MTOR: variants seen among roughly 807,000 people sequenced by gnomAD.
MTOR encodes the protein mechanistic target of rapamycin kinase.
In MTOR, 70 loss-of-function variants were observed where a neutral mutation model predicts 319.8. The ratio of observed to expected loss-of-function variants is 0.22; its 90% CI spans 0.18 to 0.27. The LOEUF (loss-of-function observed/expected upper bound fraction) is 0.27. Among genes scored for constraint, MTOR ranks in the 10% least tolerant of loss-of-function variants. The pLI is 1.00. For synonymous variants in MTOR, 1,183 were observed against 1,211.4 expected (o/e 0.98, Z 0.49); for missense variants, 1,890 against 3,274.4 (o/e 0.58, Z 10.32).
At chr1:11,114,647 C>T in intron 52 of MTOR, 166 bp downstream of exon 52, 1 of 998,598 alleles carries the variant, frequency 1.0e-6, no homozygotes. Context: ...AAGTGGTAAG[C>T]CTTTCATAGA....
At chr1:11,254,075 C>G in intron 5 of MTOR, 102 bp from the exon 6 acceptor site, 1 of 1,353,082 alleles carries the variant, frequency 7.4e-7, no homozygotes, top group Non-Finnish European at 1.0e-6. Context: ...TGCTACCACG[C>G]CTGCTCAGTG....
intron 36 of MTOR, among the ~76,000 whole-genome samples, chr1:11,136,610 C>T (rs2100462173): frequency 6.6e-6 from 1 of 152,192 alleles, no homozygotes; most frequent in South Asian, 2.1e-4. Context: ...AGTGATCCTC[C>T]TACCTCAGCC....
intron 18 of MTOR, among the ~76,000 whole-genome samples, chr1:11,230,272 T>C (rs1646974140): frequency 6.6e-6 from 1 of 152,068 alleles, no homozygotes; most frequent in Admixed American, 6.5e-5. Flanking sequence ...ATGCAAAAAT[T>C]AGCCAGGTGT....
intron 38 of MTOR, 101 bp from the exon 39 acceptor site, chr1:11,130,878 T>C (rs2100435326): frequency 1.4e-6 from 2 of 1,427,420 alleles, no homozygotes; most frequent in South Asian, 2.8e-5. Context: ...CTCCTGCCTG[T>C]TCTGTGTGTC....
rs946606257 is a variant in MTOR, at chr1:11,128,758, C to T, written c.5811+97G>A. 1.3e-5 allele frequency: 15 copies of T among 1,133,582 alleles called. No homozygotes were observed. Among genetic ancestry groups the T allele is most frequent in the Admixed American group, 5.9e-5 (3 of 50,816 alleles). 70.2% of individuals were successfully genotyped at this position (1,133,582 alleles called of 1,614,324 possible). On this transcript the variant is annotated intron_variant, in intron 41 of 57. Coordinates refer to ENST00000361445, the MANE Select transcript of MTOR (RefSeq NM_004958.4). This position sits in a 1 kb window ranked among gnomAD's most constrained non-coding sequence, Gnocchi z 5.3. ...CTACTTCCTTAGCACTGTATTAACACACACTGCCTTGTGACACTGAACACA... is the reference window on the plus strand; with the variant it reads ...CTACTTCCTTAGCACTGTATTAACATACACTGCCTTGTGACACTGAACACA...
intron 29 of MTOR, among the ~76,000 whole-genome samples, chr1:11,166,198 C>A (rs868834521): frequency 7.2e-5 from 11 of 152,098 alleles, no homozygotes; most frequent in Admixed American, 2.0e-4. Flanking sequence ...AAGGACTTCA[C>A]GTCTAAAACA....
At chr1:11,210,672 CAT>C (rs1646281162) in intron 24 of MTOR, 140 bp downstream of exon 24, 1 of 607,166 alleles carries the variant, frequency 1.6e-6, no homozygotes, top group African/African-American at 1.9e-5. Context: ...AAAGAGACCA[CAT>C]AGTCTACAAA....
In MTOR at chr1:11,133,045, G is replaced by T. The variant is rs760671385; in HGVS notation, c.5364+35C>A. The stretch of plus-strand genomic sequence containing the variant: ...CACAGGAGGACACGAGCCAGCCAGG[G>T]TGCTGGGTCTCACAGGTGGCCTGCT... On this transcript the variant is annotated intron_variant, in intron 38 of 57. Coordinates refer to ENST00000361445, the MANE Select transcript of MTOR (RefSeq NM_004958.4). The surrounding 1 kb of genome is among the most constrained non-coding windows in gnomAD (Gnocchi z 4.0). 3.2e-6 allele frequency: 5 copies of T among 1,572,032 alleles called. No individual in the cohort carries two copies. The highest frequency in any genetic ancestry group is 4.4e-6 in the Non-Finnish European group (5 of 1,142,756).
chr1:11,116,917 A>T, intron 50 of MTOR, 87 bp downstream of exon 50: 1 of 985,386 alleles, frequency 1.0e-6, no homozygotes, highest in Admixed American at 2.3e-5. Flanking sequence ...CCAAAAAGCC[A>T]TATATTTAAT....
At chr1:11,171,194 C>CAAA (rs946569273) in intron 28 of MTOR, among the ~76,000 whole-genome samples, 11 of 122,596 alleles carry the variant, frequency 9.0e-5, no homozygotes, top group African/African-American at 3.0e-4. Flanking sequence ...GACTCTATCT[C>CAAA]AAAAAAAAAA....
intron 1 of MTOR, 101 bp from the exon 2 acceptor site, chr1:11,259,524 T>A: frequency 7.7e-7 from 1 of 1,300,292 alleles, no homozygotes; most frequent in Non-Finnish European, 1.0e-6. Flanking sequence ...CTAGCCCTTG[T>A]CAGGCAGGGG....
intron 19 of MTOR, among the ~76,000 whole-genome samples, chr1:11,218,544 G>A (rs1479586622): frequency 6.6e-6 from 1 of 152,114 alleles, no homozygotes; most frequent in East Asian, 1.9e-4. Flanking sequence ...CTAAGCTGGA[G>A]GAAAACAGGC....
intron 28 of MTOR, among the ~76,000 whole-genome samples, chr1:11,184,481 C>A (rs1645251655): frequency 6.6e-6 from 1 of 152,162 alleles, no homozygotes; most frequent in East Asian, 1.9e-4. Flanking sequence ...GGCCTATAAT[C>A]CTAGCACTTC....
chr1:11,123,771 A>T (rs1418047832), intron 47 of MTOR, among the ~76,000 whole-genome samples: 1 of 150,534 alleles, frequency 6.6e-6, no homozygotes, highest in Admixed American at 6.6e-5. Flanking sequence ...CTGGCCACTT[A>T]ATTTTTTTTT....
chr1:11,162,013 C>T (rs1253715327), intron 29 of MTOR, among the ~76,000 whole-genome samples: 1 of 152,104 alleles, frequency 6.6e-6, no homozygotes, highest in African/African-American at 2.4e-5. Context: ...TCAAACCCAT[C>T]GCAAAGAAGC....
At position 11,212,944 on chromosome 1, in the gene MTOR, C is replaced by A; in HGVS notation, c.3286-36G>T. 6.5e-7 allele frequency: 1 copy of A among 1,543,480 alleles called. No individual in the cohort carries two copies. The highest frequency in any genetic ancestry group is 1.1e-5 in the South Asian group (1 of 89,480). The stretch of plus-strand genomic sequence containing the variant: ...GAGCAAAAGCATGGTGATGAATAGT[C>A]AGGTCCCAAGTATCTAAGGACACGC... On this transcript the variant is annotated intron_variant, in intron 21 of 57. Coordinates refer to ENST00000361445, the MANE Select transcript of MTOR (RefSeq NM_004958.4). This position sits in a 1 kb window ranked among gnomAD's most constrained non-coding sequence, Gnocchi z 4.1.
intron 11 of MTOR, 108 bp downstream of exon 11, chr1:11,240,195 C>G: frequency 7.1e-7 from 1 of 1,417,524 alleles, no homozygotes. Flanking sequence ...ATCAGCTACC[C>G]TGTCTTTAGC....
intron 3 of MTOR, among the ~76,000 whole-genome samples, chr1:11,257,824 G>C (rs984738710): frequency 6.6e-6 from 1 of 151,972 alleles, no homozygotes. Context: ...AAAATGACCT[G>C]CCTGGCCAGT....
chr1:11,182,223 A>C (rs1021570940), intron 28 of MTOR, among the ~76,000 whole-genome samples: 3 of 152,126 alleles, frequency 2.0e-5, no homozygotes, highest in Non-Finnish European at 4.4e-5. Context: ...ATCTTAAAAA[A>C]AAAAAAAAAA....
Sources: gnomAD v4.1 joint callset for allele counts (sites outside exome capture counted in the v4.1 genomes callset) on GRCh38, gnomAD v4.1.1 for gene constraint, Gnocchi (gnomAD v3.1) non-coding constraint, MANE v1.5 for transcripts, NCBI Gene and HGNC (gene_info 2026-07-23, HGNC 2026-07-21) for gene names.